MDGA2: variants seen among roughly 807,000 people sequenced by gnomAD.
MDGA2 encodes MAM domain containing glycosylphosphatidylinositol anchor 2, also known as MAM domain-containing glycosylphosphatidylinositol anchor protein 2.
MDGA2 carries 40 observed loss-of-function variants against 117.8 expected under a neutral mutation model. The observed-to-expected ratio is 0.34, with a 90% CI of 0.26 to 0.44. The LOEUF (loss-of-function observed/expected upper bound fraction) is 0.44. Among genes scored for constraint, MDGA2 ranks in the 20% least tolerant of loss-of-function variants. The pLI is 1.00. For missense variants in MDGA2, 1,123 were observed against 1,250.6 expected (o/e 0.90, Z 1.54); for synonymous variants, 452 against 439.0 (o/e 1.03, Z -0.37).
chr14:47,510,680 C>A (rs565634702), intron 1 of MDGA2, among the ~76,000 whole-genome samples: 4 of 152,172 alleles, frequency 2.6e-5, no homozygotes, highest in Admixed American at 1.3e-4. Flanking sequence ...AAATGGGAAG[C>A]CTTCCAGTGA....
chr14:47,553,563 G>T (rs1233691867), intron 1 of MDGA2, among the ~76,000 whole-genome samples: 1 of 152,070 alleles, frequency 6.6e-6, no homozygotes, highest in Non-Finnish European at 1.5e-5. Flanking sequence ...AAAGGTAAAA[G>T]AAAATGTCAC....
chr14:47,134,097 A>T (rs547533058), intron 4 of MDGA2, among the ~76,000 whole-genome samples: 4 of 152,168 alleles, frequency 2.6e-5, no homozygotes, highest in Non-Finnish European at 5.9e-5. Context: ...ACATAACCTC[A>T]CATAATTATT....
chr14:47,574,068 T>C (rs1350584303), intron 1 of MDGA2, among the ~76,000 whole-genome samples: 2 of 152,126 alleles, frequency 1.3e-5, no homozygotes, highest in Non-Finnish European at 2.9e-5. Context: ...AGCAAAAACA[T>C]TAGGTTATAT....
At chr14:47,307,665 G>T (rs1889497484) in intron 1 of MDGA2, among the ~76,000 whole-genome samples, 1 of 151,204 alleles carries the variant, frequency 6.6e-6, no homozygotes, top group South Asian at 2.1e-4. Flanking sequence ...TCCAGCCTAG[G>T]TGACAGAGAG....
chr14:47,598,921 G>A (rs1253276883), intron 1 of MDGA2, among the ~76,000 whole-genome samples: 2 of 151,982 alleles, frequency 1.3e-5, no homozygotes, highest in Admixed American at 6.6e-5. Context: ...CAATAATTAG[G>A]AGAACTAACT....
chr14:46,917,088 G>T (rs747362229), intron 10 of MDGA2, among the ~76,000 whole-genome samples: 1 of 151,860 alleles, frequency 6.6e-6, no homozygotes, highest in Non-Finnish European at 1.5e-5. Context: ...AATCAAGAAG[G>T]CTTGAAATGA....
chr14:47,218,391 G>A (rs1220994685), intron 2 of MDGA2, among the ~76,000 whole-genome samples, 196 bp from the exon 3 acceptor site: 1 of 152,148 alleles, frequency 6.6e-6, no homozygotes, highest in South Asian at 2.1e-4. Context: ...ATTGTACAGT[G>A]TGTGTAATTT....
intron 1 of MDGA2, among the ~76,000 whole-genome samples, chr14:47,530,194 C>T (rs1378698978): frequency 3.3e-5 from 5 of 152,096 alleles, no homozygotes; most frequent in East Asian, 1.9e-4. Context: ...GCATGAGGGG[C>T]GCCTGTTCAT....
chr14:47,059,050 T>C, intron 7 of MDGA2: 16 of 1,011,084 alleles, frequency 1.6e-5, no homozygotes, highest in Non-Finnish European at 1.9e-5. Flanking sequence ...CAAATAACTT[T>C]AAGTCAGTAG....
chr14:47,166,033 C>CTTTTT (rs35219016), intron 3 of MDGA2, among the ~76,000 whole-genome samples: 1 of 115,518 alleles, frequency 8.7e-6, no homozygotes, highest in Non-Finnish European at 1.8e-5. Flanking sequence ...GCACTGTTTA[C>CTTTTT]TTTTTTTTTT....
At chr14:46,942,837 A>T (rs1026459009) in intron 9 of MDGA2, among the ~76,000 whole-genome samples, 11 of 152,214 alleles carry the variant, frequency 7.2e-5, no homozygotes, top group Admixed American at 3.3e-4. Context: ...GGCTATTACA[A>T]ATGAAGCTGA....
At chr14:47,061,212 G>T (rs1303115125) in intron 7 of MDGA2, 37 bp downstream of exon 7, 1 of 1,538,170 alleles carries the variant, frequency 6.5e-7, no homozygotes. Flanking sequence ...CATTCTAAAT[G>T]TGAACATCTT....
intron 1 of MDGA2, among the ~76,000 whole-genome samples, chr14:47,602,250 G>A (rs1453780003): frequency 2.0e-5 from 3 of 152,054 alleles, no homozygotes; most frequent in African/African-American, 7.2e-5. Context: ...TGCCCTATGA[G>A]TGCCAGTCAT....
intron 6 of MDGA2, among the ~76,000 whole-genome samples, chr14:47,095,338 T>C (rs1199482265): frequency 1.3e-5 from 2 of 152,054 alleles, no homozygotes; most frequent in Non-Finnish European, 2.9e-5. Context: ...ATTAATGCTC[T>C]TAATGACACA....
At chr14:46,950,888 A>C (rs1885349523) in intron 9 of MDGA2, among the ~76,000 whole-genome samples, 1 of 151,884 alleles carries the variant, frequency 6.6e-6, no homozygotes, top group Non-Finnish European at 1.5e-5. Context: ...ATTTAAAAAA[A>C]AAAGATAAAA....
intron 1 of MDGA2, among the ~76,000 whole-genome samples, chr14:47,638,579 T>C (rs1170970491): frequency 6.6e-6 from 1 of 152,148 alleles, no homozygotes; most frequent in Non-Finnish European, 1.5e-5. Flanking sequence ...CCTGAATAGT[T>C]CTGGTCGCCT....
intron 1 of MDGA2, among the ~76,000 whole-genome samples, chr14:47,539,791 C>T (rs1029681869): frequency 6.6e-6 from 1 of 152,204 alleles, no homozygotes; most frequent in African/African-American, 2.4e-5. Context: ...ATATATGGTT[C>T]ATACCACAGT....
intron 3 of MDGA2, among the ~76,000 whole-genome samples, chr14:47,211,374 G>T (rs957920104): frequency 6.6e-6 from 1 of 152,112 alleles, no homozygotes; most frequent in African/African-American, 2.4e-5. Context: ...TGAGAGAAAA[G>T]ACCTCATTAC....
At chr14:47,514,976 A>G (rs1894721217) in intron 1 of MDGA2, among the ~76,000 whole-genome samples, 1 of 152,162 alleles carries the variant, frequency 6.6e-6, no homozygotes, top group Admixed American at 6.6e-5. Context: ...AATATAGATT[A>G]ACTATGTTTT....
Sources: gnomAD v4.1 joint callset for allele counts (sites outside exome capture counted in the v4.1 genomes callset) on GRCh38, gnomAD v4.1.1 for gene constraint, MANE v1.5 for transcripts, NCBI Gene and HGNC (gene_info 2026-07-23, HGNC 2026-07-21) for gene names.